Variants in PARP15 observed in about 807,000 individuals in gnomAD.
PARP15 encodes poly(ADP-ribose) polymerase family member 15.
A neutral mutation model predicts 62.1 loss-of-function variants in PARP15; 50 were observed. The observed-to-expected ratio is 0.81, with a 90% confidence interval of 0.64 to 1.02. The LOEUF is 1.02. Among genes scored for constraint, PARP15 ranks in the 50% least tolerant of loss-of-function variants. The pLI, the probability that PARP15 is intolerant of heterozygous loss-of-function variation, is 0.00. For synonymous variants in PARP15, 309 were observed against 293.1 expected (o/e 1.05, Z -0.55); for missense variants, 820 against 826.5 (o/e 0.99, Z 0.10).
chr3:122,615,758 A>G, intron 4 of PARP15, 21 bp from the exon 5 acceptor site: 1 of 1,608,676 alleles, frequency 6.2e-7, no homozygotes. Context: ...TGTTGTAGTC[A>G]GTAACTGTTT....
chr3:122,621,325 C>T (rs569515589), intron 7 of PARP15, 119 bp from the exon 8 acceptor site: 56 of 1,087,084 alleles, frequency 5.2e-5, no homozygotes, highest in African/African-American at 8.0e-5. Context: ...CCAACAAGCT[C>T]GAGTGAGACT....
intron 11 of PARP15, among the ~76,000 whole-genome samples, chr3:122,635,548 A>G (rs1937309839): frequency 6.6e-6 from 1 of 151,898 alleles, no homozygotes; most frequent in African/African-American, 2.4e-5. Flanking sequence ...AGCTGGGATT[A>G]CAGGCATGCA....
chr3:122,607,170 T>C (rs914352464), intron 2 of PARP15, among the ~76,000 whole-genome samples: 18 of 152,216 alleles, frequency 1.2e-4, no homozygotes, highest in African/African-American at 4.1e-4. Flanking sequence ...TCATTTGCAA[T>C]GAGAAAGATA....
At chr3:122,625,096 T>A (rs1419146035) in intron 8 of PARP15, among the ~76,000 whole-genome samples, 1 of 152,138 alleles carries the variant, frequency 6.6e-6, no homozygotes, top group Non-Finnish European at 1.5e-5. Flanking sequence ...CCTATTACCT[T>A]CTATTATTAC....
intron 1 of PARP15, among the ~76,000 whole-genome samples, chr3:122,590,411 T>A (rs2107817930): frequency 6.6e-6 from 1 of 152,076 alleles, no homozygotes; most frequent in East Asian, 1.9e-4. Flanking sequence ...TAGCTGGGAC[T>A]ACAGGCACCC....
intron 4 of PARP15, 104 bp from the exon 5 acceptor site, chr3:122,615,675 A>T (rs374220726): frequency 1.3e-6 from 2 of 1,584,260 alleles, no homozygotes; most frequent in Non-Finnish European, 1.7e-6. Flanking sequence ...TATTTTGAGA[A>T]CTATTGTTAT....
At chr3:122,631,590 T>C (rs1937064062) in intron 9 of PARP15, among the ~76,000 whole-genome samples, 2 of 152,198 alleles carry the variant, frequency 1.3e-5, no homozygotes, top group South Asian at 4.1e-4. Context: ...GGGAAAGCAT[T>C]CTCTCAGCAC....
intron 3 of PARP15, 40 bp from the exon 4 acceptor site, chr3:122,613,001 T>C: frequency 6.7e-7 from 1 of 1,501,520 alleles, no homozygotes; most frequent in Non-Finnish European, 9.1e-7. Flanking sequence ...TTCCGCTAGC[T>C]TAAGCCCTAA....
chr3:122,625,337 T>C (rs2107584261), intron 8 of PARP15, among the ~76,000 whole-genome samples: 1 of 152,282 alleles, frequency 6.6e-6, no homozygotes, highest in South Asian at 2.1e-4. Context: ...CACTGCAACC[T>C]CCACCTCCCT....
chr3:122,586,087 T>C (rs1261632089), intron 1 of PARP15, among the ~76,000 whole-genome samples: 1 of 152,236 alleles, frequency 6.6e-6, no homozygotes, highest in Non-Finnish European at 1.5e-5. Context: ...GTGTTAGTTT[T>C]ACTGTGATTA....
chr3:122,607,226 T>G (rs1216852164), intron 2 of PARP15, among the ~76,000 whole-genome samples: 1 of 152,218 alleles, frequency 6.6e-6, no homozygotes, highest in Non-Finnish European at 1.5e-5. Flanking sequence ...CCGAGTATTA[T>G]GAGAGTGATT....
chr3:122,601,036 GTTTTTTT>G (rs771581231), intron 1 of PARP15, among the ~76,000 whole-genome samples: 2 of 73,030 alleles, frequency 2.7e-5, no homozygotes, highest in African/African-American at 8.2e-5. Context: ...GTCTTTTATG[GTTTTTTT>G]TTTTTTTTTT....
intron 10 of PARP15, among the ~76,000 whole-genome samples, chr3:122,633,982 T>G (rs1217705818): frequency 6.6e-6 from 1 of 152,190 alleles, no homozygotes; most frequent in East Asian, 1.9e-4. Context: ...AATCCTTCAT[T>G]GCTTCCTCCA....
intron 1 of PARP15, among the ~76,000 whole-genome samples, chr3:122,605,162 G>C (rs562256606): frequency 3.7e-4 from 56 of 152,116 alleles, no homozygotes; most frequent in Admixed American, 1.5e-3. Context: ...GGTTGCTGCT[G>C]TATTTTTATA....
At chr3:122,598,313 G>A (rs370605021) in intron 1 of PARP15, among the ~76,000 whole-genome samples, 1 of 152,304 alleles carries the variant, frequency 6.6e-6, no homozygotes, top group African/African-American at 2.4e-5. Context: ...CACACTTTCT[G>A]TGATCAGGAA....
intron 3 of PARP15, among the ~76,000 whole-genome samples, chr3:122,611,703 A>ATATT (rs199753703): frequency 5.3e-4 from 81 of 151,562 alleles, no homozygotes; most frequent in Admixed American, 2.8e-3. Flanking sequence ...GACTTTATGC[A>ATATT]TATTTATTTA....
chr3:122,593,988 A>G (rs908213308), intron 1 of PARP15, among the ~76,000 whole-genome samples: 2 of 152,200 alleles, frequency 1.3e-5, no homozygotes, highest in Non-Finnish European at 2.9e-5. Context: ...TACTTACCCT[A>G]TCTTAAAACA....
At chr3:122,609,751 T>G (rs1372462171) in intron 2 of PARP15, among the ~76,000 whole-genome samples, 1 of 151,476 alleles carries the variant, frequency 6.6e-6, no homozygotes. Context: ...GTTTGTCTCC[T>G]CTTACTCCCA....
At chr3:122,579,015 A>T (rs548054119) in intron 1 of PARP15, among the ~76,000 whole-genome samples, 1 of 152,368 alleles carries the variant, frequency 6.6e-6, no homozygotes, top group East Asian at 1.9e-4. Context: ...ACTTTTAAAA[A>T]CAATTACAAT....
Sources: allele counts gnomAD v4.1 joint callset (sites outside exome capture counted in the v4.1 genomes callset), GRCh38; gene constraint gnomAD v4.1.1; transcripts MANE v1.5; gene names NCBI Gene and HGNC (gene_info 2026-07-23, HGNC 2026-07-21).